Variants in CCSER1 observed in about 807,000 individuals in gnomAD.
CCSER1 encodes the protein coiled-coil serine rich protein 1.
A neutral mutation model predicts 82.0 loss-of-function variants in CCSER1; 41 were observed. The ratio of observed to expected loss-of-function variants is 0.50; its 90% CI spans 0.39 to 0.65. The LOEUF is 0.65. Ranked by LOEUF, CCSER1 falls within the 30% of genes least tolerant of loss-of-function variation. The pLI is 0.00. For synonymous variants in CCSER1, 414 were observed against 383.9 expected, an observed-to-expected ratio of 1.08 and a Z score of -0.92; for missense variants, 1,119 against 1,064.2, an observed-to-expected ratio of 1.05 and a Z score of -0.72.
rs375470349 is a variant in CCSER1, at chr4:90,308,262, A to T, written c.-23A>T. ...TTCTCAGGCTGCAAAGTTGGCTTTCACAGTGCAAGCCTTTGATTCCCAATG... is the reference window on the plus strand; with the variant it reads ...TTCTCAGGCTGCAAAGTTGGCTTTCTCAGTGCAAGCCTTTGATTCCCAATG... On this transcript the variant is annotated 5_prime_UTR_variant, in exon 2 of 11. Coordinates refer to ENST00000509176, the MANE Select transcript of CCSER1 (RefSeq NM_001145065.2). 4.6e-5 allele frequency: 69 copies of T among 1,509,108 alleles called. No individual in the cohort carries two copies. The Middle Eastern group carries it at 5.9e-4, about 13-fold the overall frequency. 93.5% of individuals were successfully genotyped at this position (1,509,108 alleles called of 1,614,324 possible). A position where few individuals can be genotyped will look rare whatever the true frequency, so the allele number is the denominator to read the frequency against.
chr4:91,514,758 G>A (rs1009917012), intron 10 of CCSER1, among the ~76,000 whole-genome samples: 4 of 152,140 alleles, frequency 2.6e-5, no homozygotes, highest in Admixed American at 6.6e-5. Context: ...CTGAAAACCT[G>A]AGAACCATGA....
intron 8 of CCSER1, among the ~76,000 whole-genome samples, chr4:90,851,495 G>C (rs915249756): frequency 6.6e-6 from 1 of 151,818 alleles, no homozygotes; most frequent in Non-Finnish European, 1.5e-5. Flanking sequence ...TTTTTAAATG[G>C]TTGAGATTTT....
chr4:90,244,893 T>A lies in CCSER1; in HGVS notation c.-41-63351T>A, dbSNP rs73832730. Among the ~76,000 whole-genome samples the A allele has an allele frequency of 8.2e-3, 1,243 of 152,230 alleles. 15 individuals are homozygous for A. Among genetic ancestry groups the A allele is most frequent in the African/African-American group, 0.028 (1,181 of 41,532 alleles). The stretch of plus-strand genomic sequence containing the variant: ...TTTAGAGGTATCATAGACAGGTGAA[T>A]AGAAAATGAGCTTTAGAGTCACACG... On this transcript the variant is annotated intron_variant, in intron 1 of 10. Coordinates refer to ENST00000509176, the MANE Select transcript of CCSER1 (RefSeq NM_001145065.2).
chr4:91,047,405 C>T (rs1359165753), intron 9 of CCSER1, among the ~76,000 whole-genome samples: 1 of 152,036 alleles, frequency 6.6e-6, no homozygotes, highest in East Asian at 1.9e-4. Flanking sequence ...AAAAATAATG[C>T]TTCCATCTCT....
chr4:90,900,101 T>TTTTTTTTTG (rs1311897704), intron 8 of CCSER1, among the ~76,000 whole-genome samples: 31 of 149,162 alleles, frequency 2.1e-4, no homozygotes, highest in African/African-American at 7.3e-4. Flanking sequence ...AGAGTTTTTT[T>TTTTTTTTTG]TTTTTTTTTT....
intron 10 of CCSER1, among the ~76,000 whole-genome samples, chr4:91,461,776 G>A (rs989103286): frequency 7.2e-5 from 11 of 152,086 alleles, no homozygotes; most frequent in African/African-American, 2.7e-4. Context: ...GTTCAAAAGG[G>A]TATCTCTCAG....
At chr4:90,296,378 G>T (rs1445744310) in intron 1 of CCSER1, among the ~76,000 whole-genome samples, 6 of 152,050 alleles carry the variant, frequency 3.9e-5, no homozygotes, top group Admixed American at 2.6e-4. Flanking sequence ...TTGAGTTGTA[G>T]ATTCTGGATA....
At chr4:90,752,089 C>T (rs1211040553) in intron 7 of CCSER1, among the ~76,000 whole-genome samples, 3 of 152,026 alleles carry the variant, frequency 2.0e-5, no homozygotes, top group African/African-American at 4.8e-5. Flanking sequence ...ACTTCCAATG[C>T]GCTAGACACA....
chr4:90,328,940 G>A (rs1738743057), intron 3 of CCSER1, among the ~76,000 whole-genome samples: 1 of 152,156 alleles, frequency 6.6e-6, no homozygotes, highest in African/African-American at 2.4e-5. Context: ...GTAATAAAAT[G>A]TACTAAATTA....
intron 1 of CCSER1, among the ~76,000 whole-genome samples, chr4:90,145,247 AC>A (rs1164644698): frequency 6.6e-6 from 1 of 152,136 alleles, no homozygotes; most frequent in Non-Finnish European, 1.5e-5. Context: ...AATTTAACAA[AC>A]AAAATACATC....
chr4:90,240,073 T>A (rs1746558124), intron 1 of CCSER1, among the ~76,000 whole-genome samples: 1 of 152,196 alleles, frequency 6.6e-6, no homozygotes, highest in Non-Finnish European at 1.5e-5. Flanking sequence ...AGAGAAGGTG[T>A]AATTCATCTC....
At chr4:90,868,352 C>T (rs1218115214) in intron 8 of CCSER1, among the ~76,000 whole-genome samples, 4 of 152,032 alleles carry the variant, frequency 2.6e-5, no homozygotes, top group Non-Finnish European at 5.9e-5. Context: ...TCCCACCTTA[C>T]TACCCTCTCC....
At chr4:90,188,041 T>C (rs957501734) in intron 1 of CCSER1, among the ~76,000 whole-genome samples, 3 of 151,910 alleles carry the variant, frequency 2.0e-5, no homozygotes, top group Non-Finnish European at 2.9e-5. Context: ...TCCTTTTAGA[T>C]TGGTTTACTT....
rs200398662 is a variant in CCSER1, at chr4:91,451,510, TAGA to T, written c.2218-147058_2218-147056del. Among the ~76,000 whole-genome samples, 1,098 of 152,024 alleles carry T rather than the reference TAGA, an allele frequency of 7.2e-3. 4 individuals are homozygous for T. The highest frequency in any genetic ancestry group is 0.02 in the Middle Eastern group (6 of 294). The stretch of plus-strand genomic sequence containing the variant: ...AAAAATTGTTGAACATTCAAAGAAG[TAGA>T]AGACCAGGAATAATAATAAGGAGAA... On this transcript the variant is annotated intron_variant, in intron 10 of 10. Transcript: ENST00000509176.
intron 10 of CCSER1, among the ~76,000 whole-genome samples, chr4:91,309,895 T>C (rs541133750): frequency 6.6e-6 from 1 of 151,994 alleles, no homozygotes; most frequent in African/African-American, 2.4e-5. Context: ...CCAACAGCAA[T>C]TTATTGTCTC....
intron 1 of CCSER1, among the ~76,000 whole-genome samples, chr4:90,163,693 C>T (rs1729912502): frequency 6.6e-6 from 1 of 151,992 alleles, no homozygotes; most frequent in Non-Finnish European, 1.5e-5. Flanking sequence ...AGGAGATTAA[C>T]TTTACAAAGG....
At chr4:91,255,268 A>G (rs1427622025) in intron 10 of CCSER1, among the ~76,000 whole-genome samples, 1 of 152,208 alleles carries the variant, frequency 6.6e-6, no homozygotes, top group Non-Finnish European at 1.5e-5. Flanking sequence ...AAAAAAGAAT[A>G]TAATAAAAAT....
At chr4:91,206,773 C>G (rs181125120) in intron 10 of CCSER1, among the ~76,000 whole-genome samples, 146 of 151,934 alleles carry the variant, frequency 9.6e-4, no homozygotes, top group Admixed American at 9.1e-3. Context: ...AGACTCTGTC[C>G]TGTTTCACAA....
chr4:91,231,233 T>C (rs1166998262), intron 10 of CCSER1, among the ~76,000 whole-genome samples: 1 of 151,900 alleles, frequency 6.6e-6, no homozygotes, highest in African/African-American at 2.4e-5. Context: ...TATAGTTGAA[T>C]AAAAGATGGC....
Sources: allele counts gnomAD v4.1 joint callset (sites outside exome capture counted in the v4.1 genomes callset), GRCh38; gene constraint gnomAD v4.1.1; transcripts MANE v1.5; gene names NCBI Gene and HGNC (gene_info 2026-07-23, HGNC 2026-07-21).